SNTG1: variants seen among roughly 807,000 people sequenced by gnomAD.
SNTG1 encodes the protein gamma-1-syntrophin.
SNTG1 carries 39 observed loss-of-function variants against 74.7 expected under a neutral mutation model. The observed-to-expected ratio is 0.52, with a 90% confidence interval of 0.40 to 0.68. SNTG1 has a LOEUF of 0.68. Among genes scored for constraint, SNTG1 ranks in the 30% least tolerant of loss-of-function variants. SNTG1 has a pLI of 0.00. For missense variants in SNTG1, 685 were observed against 609.5 expected, an observed-to-expected ratio of 1.12 and a Z score of -1.30; for synonymous variants, 254 against 217.1, an observed-to-expected ratio of 1.17 and a Z score of -1.49.
chr8:50,083,149 T>A (rs1822566567), intron 1 of SNTG1, among the ~76,000 whole-genome samples: 1 of 152,154 alleles, frequency 6.6e-6, no homozygotes. Context: ...AGGCAAGATT[T>A]TTAACTATTC....
intron 2 of SNTG1, among the ~76,000 whole-genome samples, chr8:50,183,172 T>C (rs1355881364): frequency 1.3e-5 from 2 of 152,234 alleles, no homozygotes; most frequent in African/African-American, 2.4e-5. Context: ...CTTATTTTCA[T>C]ACTGATGACA....
intron 15 of SNTG1, among the ~76,000 whole-genome samples, chr8:50,701,116 G>T (rs976367393): frequency 2.6e-5 from 4 of 152,062 alleles, no homozygotes; most frequent in African/African-American, 9.7e-5. Context: ...GACTAATAAT[G>T]ACATTAGATA....
chr8:50,097,513 G>T (rs7820951), intron 1 of SNTG1, among the ~76,000 whole-genome samples: 36,911 of 151,884 alleles, frequency 0.24, 4,602 homozygotes, highest in South Asian at 0.38. Context: ...GAGGCCGGGC[G>T]CAGTGGCGGG....
At position 50,406,880 on chromosome 8, in the gene SNTG1, C is replaced by T. The variant is rs182960688; in HGVS notation, c.162+4536C>T. On this transcript the variant is annotated intron_variant, in intron 4 of 18. Transcript: ENST00000642720. ...AAAGTACTTCCTGGGACCCCTGTCCCGGGAAGGAATTCTATCTTCTAGGTC... is the reference window on the plus strand; with the variant it reads ...AAAGTACTTCCTGGGACCCCTGTCCTGGGAAGGAATTCTATCTTCTAGGTC... Among the ~76,000 whole-genome samples the T allele has an allele frequency of 2.6e-5, 4 of 152,098 alleles. No homozygotes were observed. The East Asian group carries it at 5.8e-4, about 22-fold the overall frequency.
intron 1 of SNTG1, among the ~76,000 whole-genome samples, chr8:50,030,411 C>G (rs985743633): frequency 6.6e-6 from 1 of 151,962 alleles, no homozygotes; most frequent in African/African-American, 2.4e-5. Context: ...TCTCTAAGAA[C>G]TCTATACCTA....
chr8:50,537,900 G>C (rs968682394), intron 11 of SNTG1, among the ~76,000 whole-genome samples: 3 of 152,214 alleles, frequency 2.0e-5, no homozygotes, highest in Admixed American at 6.5e-5. Flanking sequence ...GGCTAGATTT[G>C]TCCCATAGGC....
At chr8:49,962,097 T>C (rs911426457) in intron 1 of SNTG1, among the ~76,000 whole-genome samples, 1 of 151,870 alleles carries the variant, frequency 6.6e-6, no homozygotes, top group African/African-American at 2.4e-5. Flanking sequence ...GAGAAACAAA[T>C]GCAAAGCCCT....
At chr8:50,693,203 G>A (rs180919168) in intron 15 of SNTG1, among the ~76,000 whole-genome samples, 24 of 152,196 alleles carry the variant, frequency 1.6e-4, no homozygotes, top group Non-Finnish European at 2.9e-4. Context: ...TGCACTTCCC[G>A]GGTGAGGTGA....
At chr8:50,382,794 C>T (rs1441965875) in intron 2 of SNTG1, among the ~76,000 whole-genome samples, 2 of 152,086 alleles carry the variant, frequency 1.3e-5, no homozygotes, top group East Asian at 1.9e-4. Flanking sequence ...TATGTGTACA[C>T]ATATTTTAAG....
intron 12 of SNTG1, among the ~76,000 whole-genome samples, chr8:50,568,305 A>T (rs973124442): frequency 6.6e-6 from 1 of 151,690 alleles, no homozygotes; most frequent in African/African-American, 2.4e-5. Context: ...GCTGCAATAA[A>T]CATGGGAGTA....
chr8:50,145,610 G>GCGGT (rs928404041), intron 1 of SNTG1, among the ~76,000 whole-genome samples: 115 of 152,230 alleles, frequency 7.6e-4, no homozygotes, highest in African/African-American at 2.6e-3. Context: ...GGCAGTTGGG[G>GCGGT]CGGTGTTGAG....
chr8:50,572,611 A>G (rs2094555509), intron 12 of SNTG1, among the ~76,000 whole-genome samples: 1 of 152,188 alleles, frequency 6.6e-6, no homozygotes, highest in African/African-American at 2.4e-5. Flanking sequence ...ATGAGAAATA[A>G]CCAAAGTAAA....
intron 2 of SNTG1, among the ~76,000 whole-genome samples, chr8:50,207,004 C>A (rs1264207200): frequency 6.6e-6 from 1 of 152,146 alleles, no homozygotes; most frequent in East Asian, 1.9e-4. Flanking sequence ...TAATGTTCAT[C>A]AGGGATATTG....
intron 2 of SNTG1, among the ~76,000 whole-genome samples, chr8:50,269,055 A>G (rs2087636510): frequency 6.6e-6 from 1 of 152,204 alleles, no homozygotes; most frequent in Non-Finnish European, 1.5e-5. Context: ...TGGGCCAAGT[A>G]AAAGGGGCTA....
At position 50,136,516 on chromosome 8, in the gene SNTG1, G is replaced by A. The variant is rs372011436; in HGVS notation, c.-102-36045G>A. Among the ~76,000 whole-genome samples, 67 of 152,186 alleles carry A rather than the reference G, an allele frequency of 4.4e-4. No individual in the cohort carries two copies. In the East Asian group the frequency reaches 0.011, roughly 24 times the overall value. ...TTTCTCTAGTGATCAGTGATGTTGA[G>A]CATTTAGTGGTCTTGCTTTTGTGTG... is the stretch of plus-strand genomic sequence containing the variant. On this transcript the variant is annotated intron_variant, in intron 1 of 18. Coordinates refer to ENST00000642720, the MANE Select transcript of SNTG1 (RefSeq NM_018967.5).
chr8:50,671,039 A>G lies in SNTG1; in HGVS notation c.1038+12376A>G, dbSNP rs549925526. Among the ~76,000 whole-genome samples, 203 of 151,088 alleles carry G rather than the reference A, an allele frequency of 1.3e-3. 2 individuals are homozygous for G. Among genetic ancestry groups the G allele is most frequent in the Middle Eastern group, 0.01 (3 of 292 alleles). ...CTTCCTTACACCTTATACAAAAATT[A>G]ATTCCAGATGGATTAAAGACTTAAA... On this transcript the variant is annotated intron_variant, in intron 15 of 18. Transcript: ENST00000642720.
At chr8:50,571,091 A>G (rs753804601) in intron 12 of SNTG1, among the ~76,000 whole-genome samples, 9 of 151,918 alleles carry the variant, frequency 5.9e-5, no homozygotes, top group Admixed American at 1.3e-4. Flanking sequence ...CTTTTGTCCA[A>G]TGAGCCCTGC....
chr8:50,350,209 G>A (rs539932289), intron 2 of SNTG1, among the ~76,000 whole-genome samples: 15 of 152,116 alleles, frequency 9.9e-5, no homozygotes, highest in Non-Finnish European at 1.3e-4. Context: ...CCCCCACCCC[G>A]TGGGCTCCTG....
intron 2 of SNTG1, among the ~76,000 whole-genome samples, chr8:50,213,522 T>G (rs1431131715): frequency 6.6e-6 from 1 of 152,172 alleles, no homozygotes; most frequent in Non-Finnish European, 1.5e-5. Context: ...GTACTTTATT[T>G]TCAATCACAG....
Sources: gnomAD v4.1 joint callset for allele counts (sites outside exome capture counted in the v4.1 genomes callset) on GRCh38, gnomAD v4.1.1 for gene constraint, MANE v1.5 for transcripts, NCBI Gene and HGNC (gene_info 2026-07-23, HGNC 2026-07-21) for gene names.